The following CNTNAP5 variants were observed in gnomAD, a reference collection of about 807,000 sequenced individuals.
CNTNAP5 encodes the protein contactin-associated protein-like 5.
Under a neutral mutation model 150.2 loss-of-function variants are expected in CNTNAP5, and 72 were observed. The ratio of observed to expected loss-of-function variants is 0.48; its 90% CI spans 0.40 to 0.58. CNTNAP5 has a LOEUF of 0.58. Ranked by LOEUF, CNTNAP5 falls within the 20% of genes least tolerant of loss-of-function variation. The pLI, the probability that CNTNAP5 is intolerant of heterozygous loss-of-function variation, is 0.00. For missense variants in CNTNAP5, 1,636 were observed against 1,626.2 expected (o/e 1.01, Z -0.10); for synonymous variants, 672 against 619.8 (o/e 1.08, Z -1.25).
intron 1 of CNTNAP5, among the ~76,000 whole-genome samples, chr2:124,108,822 A>G (rs1247176008): frequency 6.6e-6 from 1 of 152,196 alleles, no homozygotes; most frequent in Admixed American, 6.5e-5. Context: ...GAAACCAGAA[A>G]GTGATCAATT....
At chr2:124,887,449 G>A (rs1287091061) in intron 21 of CNTNAP5, among the ~76,000 whole-genome samples, 4 of 151,996 alleles carry the variant, frequency 2.6e-5, no homozygotes, top group Admixed American at 2.0e-4. Flanking sequence ...TCAAGACTGC[G>A]GGATTCCCAG....
intron 3 of CNTNAP5, among the ~76,000 whole-genome samples, chr2:124,252,452 C>A (rs1195544122): frequency 6.6e-6 from 1 of 152,152 alleles, no homozygotes; most frequent in African/African-American, 2.4e-5. Flanking sequence ...TGACCCACCA[C>A]CCTGCCCAGC....
intron 1 of CNTNAP5, among the ~76,000 whole-genome samples, chr2:124,210,947 GAGGTCCAT>G (rs1685994018): frequency 6.6e-6 from 1 of 152,130 alleles, no homozygotes; most frequent in Non-Finnish European, 1.5e-5. Context: ...AAAGTTATAT[GAGGTCCAT>G]GCTTTCTGTT....
At chr2:124,224,533 T>A (rs985305970) in intron 2 of CNTNAP5, among the ~76,000 whole-genome samples, 1 of 151,942 alleles carries the variant, frequency 6.6e-6, no homozygotes, top group African/African-American at 2.4e-5. Context: ...CACACACATA[T>A]GTAGTTGAAT....
At chr2:124,034,036 G>A (rs963084087) in intron 1 of CNTNAP5, among the ~76,000 whole-genome samples, 1 of 152,186 alleles carries the variant, frequency 6.6e-6, no homozygotes, top group South Asian at 2.1e-4. Context: ...AAGTGTTGCT[G>A]CTTTCCTATT....
intron 7 of CNTNAP5, among the ~76,000 whole-genome samples, chr2:124,499,417 C>T (rs758298307): frequency 2.0e-4 from 30 of 152,200 alleles, no homozygotes; most frequent in Non-Finnish European, 4.3e-4. Flanking sequence ...CATGGGCAAG[C>T]CCAGAAGGCT....
intron 1 of CNTNAP5, among the ~76,000 whole-genome samples, chr2:124,045,107 C>A (rs544085784): frequency 1.3e-5 from 2 of 152,158 alleles, no homozygotes; most frequent in Non-Finnish European, 2.9e-5. Context: ...AAAATGTGTT[C>A]ACAGAAACTT....
intron 18 of CNTNAP5, among the ~76,000 whole-genome samples, chr2:124,791,336 G>T (rs1681724828): frequency 6.6e-6 from 1 of 152,144 alleles, no homozygotes; most frequent in Non-Finnish European, 1.5e-5. Context: ...AAAATTAATG[G>T]TAAAAATTTT....
chr2:124,401,256 A>G (rs1691417907), intron 3 of CNTNAP5, among the ~76,000 whole-genome samples: 1 of 152,238 alleles, frequency 6.6e-6, no homozygotes, highest in Non-Finnish European at 1.5e-5. Flanking sequence ...GTCTGGTGTC[A>G]TATACATGCC....
chr2:124,597,165 G>T (rs924811512), intron 11 of CNTNAP5, among the ~76,000 whole-genome samples: 5 of 148,086 alleles, frequency 3.4e-5, no homozygotes, highest in Middle Eastern at 7.2e-3. Context: ...ATTGTTATGT[G>T]TGAATTTGAT....
intron 13 of CNTNAP5, among the ~76,000 whole-genome samples, chr2:124,688,701 G>A (rs2105076729): frequency 6.6e-6 from 1 of 152,200 alleles, no homozygotes; most frequent in African/African-American, 2.4e-5. Flanking sequence ...AAGCAGAGCT[G>A]TGAAATATCT....
chr2:124,104,333 A>G (rs1414076473), intron 1 of CNTNAP5, among the ~76,000 whole-genome samples: 1 of 152,132 alleles, frequency 6.6e-6, no homozygotes, highest in East Asian at 1.9e-4. Context: ...TTCCATAAAT[A>G]TCAGTAAGTG....
chr2:124,084,721 C>T (rs6541935), intron 1 of CNTNAP5, among the ~76,000 whole-genome samples: 148,688 of 152,064 alleles, frequency 0.98, 72,791 homozygotes, highest in East Asian at 1. Flanking sequence ...TCATTAAATA[C>T]AAAAAAATAC....
chr2:124,180,289 T>C (rs1378097753), intron 1 of CNTNAP5, among the ~76,000 whole-genome samples: 2 of 152,202 alleles, frequency 1.3e-5, no homozygotes, highest in East Asian at 3.9e-4. Context: ...CTCGAGAATC[T>C]ATTTCCTGCT....
rs574721081 is a variant in CNTNAP5 at position 124,026,887 on chromosome 2, T to C, written c.82+1155T>C. Among the ~76,000 whole-genome samples, 5 of 152,340 alleles carry C rather than the reference T, an allele frequency of 3.3e-5. No homozygotes were observed. The East Asian group carries it at 9.6e-4, about 29-fold the overall frequency. The stretch of plus-strand genomic sequence containing the variant: ...CACCCAGTTAGGTCCTAGAGGACCC[T>C]GTGCATTTATCCCCGGAGTTATGTC... On this transcript the variant is annotated intron_variant, in intron 1 of 23. Coordinates refer to ENST00000682447, the MANE Select transcript of CNTNAP5 (RefSeq NM_001367498.1).
intron 1 of CNTNAP5, among the ~76,000 whole-genome samples, chr2:124,032,845 T>C (rs1681095623): frequency 6.6e-6 from 1 of 152,224 alleles, no homozygotes; most frequent in African/African-American, 2.4e-5. Flanking sequence ...TTGCATGACA[T>C]TGTATAGCAC....
At chr2:124,487,982 G>A (rs1055275420) in intron 7 of CNTNAP5, among the ~76,000 whole-genome samples, 2 of 152,050 alleles carry the variant, frequency 1.3e-5, no homozygotes. Context: ...AGACTGCTCT[G>A]GAAAAGTACA....
At chr2:124,157,149 T>C (rs995284577) in intron 1 of CNTNAP5, among the ~76,000 whole-genome samples, 11 of 147,842 alleles carry the variant, frequency 7.4e-5, no homozygotes, top group Non-Finnish European at 1.7e-4. Flanking sequence ...TTCTTAACCT[T>C]ATTCTTGGTA....
At chr2:124,417,760 C>T (rs188271872) in intron 4 of CNTNAP5, among the ~76,000 whole-genome samples, 170 bp downstream of exon 4, 1 of 152,192 alleles carries the variant, frequency 6.6e-6, no homozygotes, top group African/African-American at 2.4e-5. Flanking sequence ...AAAAAACATT[C>T]TACTTAGGAC....
Sources: allele counts gnomAD v4.1 joint callset (sites outside exome capture counted in the v4.1 genomes callset), GRCh38; gene constraint gnomAD v4.1.1; transcripts MANE v1.5; gene names NCBI Gene and HGNC (gene_info 2026-07-23, HGNC 2026-07-21).